Variants in EYA1 observed in about 807,000 individuals in gnomAD.
The protein encoded by EYA1 is EYA transcriptional coactivator and phosphatase 1.
A neutral mutation model predicts 82.0 loss-of-function variants in EYA1; 16 were observed. The observed-to-expected ratio is 0.20, with a 90% CI of 0.13 to 0.30. The LOEUF is 0.30. Among genes scored for constraint, EYA1 ranks in the 10% least tolerant of loss-of-function variants. The pLI is 1.00. For missense variants in EYA1, 633 were observed against 730.7 expected (o/e 0.87, Z 1.54); for synonymous variants, 261 against 264.4 (o/e 0.99, Z 0.12).
chr8:71,242,533 T>C (rs1434466802), intron 12 of EYA1, among the ~76,000 whole-genome samples: 1 of 152,160 alleles, frequency 6.6e-6, no homozygotes, highest in East Asian at 1.9e-4. Flanking sequence ...TCTTTTGAAA[T>C]TTGGGTTTAC....
chr8:71,246,926 TC>T (rs1766492705), intron 11 of EYA1, among the ~76,000 whole-genome samples: 1 of 123,072 alleles, frequency 8.1e-6, no homozygotes, highest in African/African-American at 3.2e-5. Context: ...CCTCCAGCAC[TC>T]CCCACCCTCT....
chr8:71,393,165 T>C (rs1829375520), intron 2 of EYA1, among the ~76,000 whole-genome samples: 2 of 152,140 alleles, frequency 1.3e-5, no homozygotes, highest in Non-Finnish European at 2.9e-5. Flanking sequence ...CACTGTAAAA[T>C]ATGCACTAAG....
At chr8:71,308,796 C>A (rs1821014566) in intron 7 of EYA1, among the ~76,000 whole-genome samples, 1 of 151,466 alleles carries the variant, frequency 6.6e-6, no homozygotes, top group South Asian at 2.1e-4. Flanking sequence ...AAACCAGAAT[C>A]CCAGCCAACA....
chr8:71,489,130 C>T (rs1810797893), intron 2 of EYA1, among the ~76,000 whole-genome samples: 1 of 152,144 alleles, frequency 6.6e-6, no homozygotes, highest in African/African-American at 2.4e-5. Context: ...TGCTGTTAAT[C>T]CTGTAACTGA....
intron 7 of EYA1, among the ~76,000 whole-genome samples, chr8:71,314,348 A>C (rs1289602026): frequency 2.0e-5 from 3 of 152,164 alleles, no homozygotes; most frequent in Non-Finnish European, 2.9e-5. Context: ...AAGTACCCAA[A>C]TCTGGCCATA....
intron 7 of EYA1, among the ~76,000 whole-genome samples, chr8:71,312,171 A>G (rs1180738729): frequency 6.6e-6 from 1 of 152,248 alleles, no homozygotes; most frequent in Non-Finnish European, 1.5e-5. Context: ...GACTAGTTAT[A>G]TAACTAAGTA....
intron 2 of EYA1, among the ~76,000 whole-genome samples, chr8:71,420,277 G>A (rs1831077379): frequency 6.6e-6 from 1 of 152,166 alleles, no homozygotes; most frequent in Non-Finnish European, 1.5e-5. Flanking sequence ...ATTCACATGG[G>A]TGCATGCATT....
At position 71,198,155 on chromosome 8, in the gene EYA1, G is replaced by A. The variant is rs1369037257; in HGVS notation, c.*1185C>T. ...GCACATGAAAACTTTGTTAGTCTCC[G>A]ATTCATGAACCATTTTATTAATAAA... is the stretch of plus-strand genomic sequence containing the variant. On this transcript the variant is annotated 3_prime_UTR_variant, in exon 18 of 18. Coordinates refer to ENST00000340726, the MANE Select transcript of EYA1 (RefSeq NM_000503.6). 2 of 152,508 alleles carry A rather than the reference G, an allele frequency of 1.3e-5. No individual in the cohort carries two copies. The highest frequency in any genetic ancestry group is 2.4e-5 in the African/African-American group (1 of 41,422). 9.4% of individuals were successfully genotyped at this position (152,508 alleles called of 1,614,324 possible). A position where few individuals can be genotyped will look rare whatever the true frequency, so the allele number is the denominator to read the frequency against.
intron 7 of EYA1, among the ~76,000 whole-genome samples, chr8:71,315,895 A>G (rs753695471): frequency 2.6e-5 from 4 of 152,302 alleles, no homozygotes; most frequent in Admixed American, 6.5e-5. Context: ...GGCCTTTTGA[A>G]TCAAATGCAA....
chr8:71,212,841 A>G (rs1465183769), intron 16 of EYA1, among the ~76,000 whole-genome samples: 1 of 152,092 alleles, frequency 6.6e-6, no homozygotes, highest in Non-Finnish European at 1.5e-5. Context: ...AGCACTTTGG[A>G]AGGCCAAGGC....
chr8:71,305,303 A>G (rs1301651591), intron 7 of EYA1, among the ~76,000 whole-genome samples: 1 of 143,040 alleles, frequency 7.0e-6, no homozygotes, highest in East Asian at 2.0e-4. Flanking sequence ...AAATTCCTCA[A>G]AGTAGAAAGA....
chr8:71,253,094 T>C (rs187929507), intron 11 of EYA1, among the ~76,000 whole-genome samples: 10 of 152,330 alleles, frequency 6.6e-5, no homozygotes, highest in African/African-American at 2.4e-4. Context: ...TCCAATACTT[T>C]AGCATTTCAG....
At chr8:71,413,065 AGT>A (rs1830690954) in intron 2 of EYA1, among the ~76,000 whole-genome samples, 1 of 152,228 alleles carries the variant, frequency 6.6e-6, no homozygotes, top group Non-Finnish European at 1.5e-5. Flanking sequence ...AAAGTGCCAT[AGT>A]TTAACTGTAT....
At chr8:71,509,786 C>T (rs1049910892) in intron 2 of EYA1, among the ~76,000 whole-genome samples, 1 of 152,090 alleles carries the variant, frequency 6.6e-6, no homozygotes, top group Non-Finnish European at 1.5e-5. Context: ...AAATGATAGG[C>T]ATTTTTATTA....
At chr8:71,438,003 G>C (rs1806131721) in intron 2 of EYA1, among the ~76,000 whole-genome samples, 1 of 152,068 alleles carries the variant, frequency 6.6e-6, no homozygotes, top group Non-Finnish European at 1.5e-5. Context: ...AAAGGATCTT[G>C]ACAAAACATC....
chr8:71,221,985 CG>C (rs1790533852), intron 12 of EYA1, among the ~76,000 whole-genome samples: 1 of 152,154 alleles, frequency 6.6e-6, no homozygotes, highest in East Asian at 1.9e-4. Context: ...GGGAACGGGG[CG>C]AGCATATAAA....
chr8:71,198,391 C>A lies in EYA1; in HGVS notation c.*949G>T, dbSNP rs1286429616. 1 of 152,450 alleles carries A rather than the reference C, an allele frequency of 6.6e-6. No individual in the cohort carries two copies. The highest frequency in any genetic ancestry group is 2.4e-5 in the African/African-American group (1 of 41,366). The allele number at this position is 152,450 out of a possible 1,614,324, so 9.4% of individuals were successfully genotyped here. ...AGGAAAAAATTTTAGAAAACAAAAT[C>A]CTTACTGACACTTGACATCCATGCT... On this transcript the variant is annotated 3_prime_UTR_variant, in exon 18 of 18. Transcript: ENST00000340726.
At chr8:71,241,420 A>C (rs1585949474) in intron 12 of EYA1, among the ~76,000 whole-genome samples, 1 of 152,320 alleles carries the variant, frequency 6.6e-6, no homozygotes, top group East Asian at 1.9e-4. Flanking sequence ...TTAAGCATGT[A>C]CACTGATTCA....
intron 4 of EYA1, among the ~76,000 whole-genome samples, chr8:71,323,100 C>T (rs1302205144): frequency 6.6e-6 from 1 of 152,076 alleles, no homozygotes; most frequent in Non-Finnish European, 1.5e-5. Context: ...CTGAAAATGG[C>T]AGTTTCAGCT....
Sources: gnomAD v4.1 joint callset for allele counts (sites outside exome capture counted in the v4.1 genomes callset) on GRCh38, gnomAD v4.1.1 for gene constraint, MANE v1.5 for transcripts, NCBI Gene and HGNC (gene_info 2026-07-23, HGNC 2026-07-21) for gene names.